KCNMB2: variants seen among roughly 807,000 people sequenced by gnomAD.
KCNMB2 encodes the protein potassium calcium-activated channel subfamily M regulatory beta subunit 2.
In KCNMB2, 9 loss-of-function variants were observed where a neutral mutation model predicts 24.5. The ratio of observed to expected loss-of-function variants is 0.37; its 90% CI spans 0.22 to 0.64. The LOEUF is 0.64. Ranked by LOEUF, KCNMB2 falls within the 30% of genes least tolerant of loss-of-function variation. KCNMB2 has a pLI of 0.63. For missense variants in KCNMB2, 226 were observed against 284.3 expected (o/e 0.79, Z 1.47); for synonymous variants, 109 against 104.4 (o/e 1.04, Z -0.27).
intron 1 of KCNMB2, among the ~76,000 whole-genome samples, chr3:178,794,512 T>C (rs1270407623): frequency 1.3e-5 from 2 of 152,198 alleles, no homozygotes; most frequent in Admixed American, 1.3e-4. Flanking sequence ...GTCCCTGTCG[T>C]TGTCACTGTG....
chr3:178,540,998 G>A (rs1715598422), intron 1 of KCNMB2, among the ~76,000 whole-genome samples: 4 of 152,164 alleles, frequency 2.6e-5, no homozygotes, highest in Admixed American at 6.5e-5. Flanking sequence ...ATTCAATGTG[G>A]TAATTAAATG....
At chr3:178,604,178 T>C (rs1286162240) in intron 1 of KCNMB2, among the ~76,000 whole-genome samples, 1 of 152,122 alleles carries the variant, frequency 6.6e-6, no homozygotes, top group Non-Finnish European at 1.5e-5. Context: ...ATGCTGTTCC[T>C]TGCTAAATAA....
chr3:178,636,764 T>C (rs1346735421), intron 1 of KCNMB2, among the ~76,000 whole-genome samples: 1 of 152,208 alleles, frequency 6.6e-6, no homozygotes, highest in African/African-American at 2.4e-5. Context: ...TTAAGTACAC[T>C]GGTACATGTG....
chr3:178,645,111 C>T (rs1043862700), intron 1 of KCNMB2, among the ~76,000 whole-genome samples: 3 of 136,902 alleles, frequency 2.2e-5, no homozygotes, highest in Non-Finnish European at 3.0e-5. Context: ...AGTGCAATGG[C>T]GCAATCTCGG....
At chr3:178,721,505 T>C (rs368370199) in intron 1 of KCNMB2, among the ~76,000 whole-genome samples, 1 of 152,228 alleles carries the variant, frequency 6.6e-6, no homozygotes, top group Non-Finnish European at 1.5e-5. Context: ...TTGCAGTTTA[T>C]GGTGATTGTA....
chr3:178,594,764 G>C (rs961581032), intron 1 of KCNMB2, among the ~76,000 whole-genome samples: 1 of 151,982 alleles, frequency 6.6e-6, no homozygotes, highest in African/African-American at 2.4e-5. Context: ...AGATAAAAAA[G>C]AGGAATGTTA....
intron 1 of KCNMB2, among the ~76,000 whole-genome samples, chr3:178,580,472 C>T (rs967837478): frequency 2.0e-5 from 3 of 152,086 alleles, no homozygotes; most frequent in African/African-American, 7.2e-5. Flanking sequence ...ACAAGGATGC[C>T]CTCTCTCCAC....
intron 1 of KCNMB2, among the ~76,000 whole-genome samples, chr3:178,593,173 C>A (rs991554966): frequency 2.6e-5 from 4 of 151,810 alleles, no homozygotes; most frequent in Non-Finnish European, 5.9e-5. Context: ...ACTTTTAGAG[C>A]TATTATCAAT....
intron 1 of KCNMB2, among the ~76,000 whole-genome samples, chr3:178,599,057 GT>G (rs1365354054): frequency 6.6e-6 from 1 of 152,040 alleles, no homozygotes; most frequent in East Asian, 1.9e-4. Context: ...GGTCAGTTTC[GT>G]GTTTTACAAA....
At position 178,844,112 on chromosome 3, in the gene KCNMB2, T is replaced by C. The variant is rs976468346; in HGVS notation, c.*1175T>C. The C allele has an allele frequency of 1.3e-5, 2 of 152,530 alleles. No homozygotes were observed. Among genetic ancestry groups the C allele is most frequent in the African/African-American group, 4.8e-5 (2 of 41,444 alleles). The allele number at this position is 152,530 out of a possible 1,614,324, so 9.4% of individuals were successfully genotyped here. On this transcript the variant is annotated 3_prime_UTR_variant, in exon 5 of 5. Transcript: ENST00000452583. Reference sequence around the variant, plus strand: ...GTTCACATTGCTATTTACTTTTGTGTTTGGGGGAAAATACGAGGGATTGAT... The same window carrying C: ...GTTCACATTGCTATTTACTTTTGTGCTTGGGGGAAAATACGAGGGATTGAT...
chr3:178,552,225 A>G (rs1026369271), intron 1 of KCNMB2, among the ~76,000 whole-genome samples: 11 of 152,238 alleles, frequency 7.2e-5, no homozygotes, highest in African/African-American at 2.7e-4. Flanking sequence ...GAATGATGTA[A>G]CAGCACTCCC....
intron 1 of KCNMB2, among the ~76,000 whole-genome samples, chr3:178,650,424 T>C (rs1047035887): frequency 6.6e-6 from 1 of 152,168 alleles, no homozygotes; most frequent in Non-Finnish European, 1.5e-5. Context: ...ATCTGTCTAA[T>C]ATTGACAGTG....
intron 1 of KCNMB2, among the ~76,000 whole-genome samples, chr3:178,731,426 A>C (rs117825934): frequency 6.6e-6 from 1 of 152,294 alleles, no homozygotes; most frequent in East Asian, 1.9e-4. Context: ...TCTGGTCTCT[A>C]CCTATCAGAC....
intron 1 of KCNMB2, among the ~76,000 whole-genome samples, chr3:178,572,354 T>A (rs1037549927): frequency 3.3e-5 from 5 of 152,204 alleles, no homozygotes; most frequent in African/African-American, 1.2e-4. Flanking sequence ...AAATCACTGA[T>A]TTTTCTCAAG....
In KCNMB2 at chr3:178,790,507, C is replaced by T. The variant is rs372792808; in HGVS notation, c.-67-16836C>T. Among the ~76,000 whole-genome samples, 53 of 152,302 alleles carry T rather than the reference C, an allele frequency of 3.5e-4. 1 individual carries two copies. The South Asian group carries it at 0.011, about 30-fold the overall frequency. On this transcript the variant is annotated intron_variant, in intron 1 of 4. Transcript: ENST00000452583. ...TTGGTTCCTGAATGGCATTTCTGGA[C>T]TCATCCTGGGCTGGAGGGGTGATCA...
chr3:178,795,751 G>C (rs1254977748), intron 1 of KCNMB2, among the ~76,000 whole-genome samples: 1 of 152,120 alleles, frequency 6.6e-6, no homozygotes, highest in African/African-American at 2.4e-5. Context: ...GTGATTTGTT[G>C]TAAGTTGCAA....
At position 178,842,682 on chromosome 3, in the gene KCNMB2, T is replaced by C. The variant is rs1291372173; in HGVS notation, c.453T>C (p.Asn151=). ...CCTATATACCTAAATGTGGAAAAAA[T>C]TTTGAAGAATCCATGTCCCTGGTGA... ...KCSYIPKCGK[N]FEESMSLVNV... is the part of the protein sequence containing the mutation. Residue 151 remains asparagine, a synonymous_variant, in exon 5 of 5, where the codon AAT becomes AAC. Coordinates refer to ENST00000452583, the MANE Select transcript of KCNMB2 (RefSeq NM_181361.3). The C allele has an allele frequency of 6.2e-7, 1 of 1,612,404 alleles. No homozygotes were observed. The highest frequency in any genetic ancestry group is 1.1e-5 in the South Asian group (1 of 91,024).
intron 1 of KCNMB2, among the ~76,000 whole-genome samples, chr3:178,769,720 G>A (rs565176342): frequency 3.7e-4 from 57 of 152,234 alleles, no homozygotes; most frequent in Middle Eastern, 3.4e-3. Context: ...TGTTTCTAAC[G>A]TTTATCTGGA....
rs993951632 is a variant in KCNMB2, at chr3:178,844,401, T to G, written c.*1464T>G. 6.6e-6 allele frequency: 1 copy of G among 152,370 alleles called. No homozygotes were observed. Among genetic ancestry groups the G allele is most frequent in the Admixed American group, 6.6e-5 (1 of 15,254 alleles). 9.4% of individuals were successfully genotyped at this position (152,370 alleles called of 1,614,324 possible). A position where few individuals can be genotyped will look rare whatever the true frequency, so the allele number is the denominator to read the frequency against. On this transcript the variant is annotated 3_prime_UTR_variant, in exon 5 of 5. Coordinates refer to ENST00000452583, the MANE Select transcript of KCNMB2 (RefSeq NM_181361.3). ...TAGGATGTAATCAGGACTTCAAATG[T>G]GTAATTAAATTTTTTTAAAAAAAAT... is the stretch of plus-strand genomic sequence containing the variant.
Sources: gnomAD v4.1 joint callset for allele counts (sites outside exome capture counted in the v4.1 genomes callset) on GRCh38, gnomAD v4.1.1 for gene constraint, MANE v1.5 for transcripts, NCBI Gene and HGNC (gene_info 2026-07-23, HGNC 2026-07-21) for gene names.